Variants in MAPK9 observed in about 807,000 individuals in gnomAD.
MAPK9 encodes mitogen-activated protein kinase 9.
In MAPK9, 30 loss-of-function variants were observed where a neutral mutation model predicts 57.1. That is an observed-to-expected ratio of 0.53 (90% confidence interval 0.39 to 0.71). The LOEUF (loss-of-function observed/expected upper bound fraction) is 0.71. Ranked by LOEUF, MAPK9 falls within the 30% of genes least tolerant of loss-of-function variation. The pLI is 0.00. For synonymous variants in MAPK9, 155 were observed against 177.0 expected, an observed-to-expected ratio of 0.88 and a Z score of 0.99; for missense variants, 362 against 521.0, an observed-to-expected ratio of 0.69 and a Z score of 2.97.
intron 1 of MAPK9, among the ~76,000 whole-genome samples, chr5:180,282,057 T>C (rs1329326583): frequency 1.3e-5 from 2 of 152,228 alleles, no homozygotes; most frequent in Non-Finnish European, 2.9e-5. Context: ...GGCAGGTCAC[T>C]GTGCTCTAAG....
At chr5:180,288,066 G>A (rs1169482472) in intron 1 of MAPK9, among the ~76,000 whole-genome samples, 1 of 152,160 alleles carries the variant, frequency 6.6e-6, no homozygotes, top group African/African-American at 2.4e-5. Flanking sequence ...CAACACGGAC[G>A]AGCAGAGAGC....
At chr5:180,255,434 G>GGGAGAGGTT (rs1759178115) in intron 5 of MAPK9, among the ~76,000 whole-genome samples, 1 of 152,070 alleles carries the variant, frequency 6.6e-6, no homozygotes. Flanking sequence ...GCTGAGGCTT[G>GGGAGAGGTT]GGAGAGGTTC....
intron 8 of MAPK9, among the ~76,000 whole-genome samples, chr5:180,242,319 G>C (rs1033358392): frequency 6.6e-6 from 1 of 152,314 alleles, no homozygotes; most frequent in East Asian, 1.9e-4. Flanking sequence ...TCCAGTTGCT[G>C]TAACTGTAAC....
At chr5:180,278,929 T>C (rs1450862399) in intron 2 of MAPK9, among the ~76,000 whole-genome samples, 1 of 152,092 alleles carries the variant, frequency 6.6e-6, no homozygotes, top group Non-Finnish European at 1.5e-5. Context: ...AGTTTCCTAA[T>C]TTGAACCATC....
chr5:180,279,257 C>T (rs951536656), intron 2 of MAPK9, among the ~76,000 whole-genome samples: 1 of 152,130 alleles, frequency 6.6e-6, no homozygotes, highest in Non-Finnish European at 1.5e-5. Flanking sequence ...TGCCCGGCCA[C>T]CTTTAACACT....
intron 10 of MAPK9, among the ~76,000 whole-genome samples, chr5:180,239,365 G>A (rs915043187): frequency 1.1e-4 from 17 of 152,274 alleles, no homozygotes; most frequent in Admixed American, 5.2e-4. Flanking sequence ...ACAGGTAACC[G>A]GCACTCCCAC....
chr5:180,243,409 T>C (rs750592931), intron 7 of MAPK9, among the ~76,000 whole-genome samples: 11 of 152,202 alleles, frequency 7.2e-5, no homozygotes, highest in Non-Finnish European at 1.5e-4. Context: ...TCAGGCTTCC[T>C]TGGGGTCTGT....
intron 2 of MAPK9, among the ~76,000 whole-genome samples, chr5:180,270,905 C>T (rs1184542492): frequency 7.1e-6 from 1 of 140,898 alleles, no homozygotes; most frequent in Non-Finnish European, 1.6e-5. Context: ...AATTTGAAAA[C>T]AGACACACTT....
chr5:180,263,830 T>C (rs942141119), intron 4 of MAPK9, among the ~76,000 whole-genome samples: 3 of 151,174 alleles, frequency 2.0e-5, no homozygotes, highest in Admixed American at 6.6e-5. Flanking sequence ...CTCAGCCTCC[T>C]GAGTAGCTGG....
At chr5:180,249,284 T>C (rs906987943) in intron 5 of MAPK9, 146 bp from the exon 6 acceptor site, 5 of 795,528 alleles carry the variant, frequency 6.3e-6, no homozygotes, top group East Asian at 5.9e-5. Context: ...AAAATCTTAC[T>C]CTCAAATTGA....
chr5:180,255,492 A>G (rs1759182433), intron 5 of MAPK9, among the ~76,000 whole-genome samples: 1 of 152,180 alleles, frequency 6.6e-6, no homozygotes, highest in South Asian at 2.1e-4. Context: ...ACATGTGCTG[A>G]GAGAAAATTC....
intron 11 of MAPK9, 37 bp downstream of exon 11, chr5:180,238,295 G>T (rs1757349309): frequency 1.3e-6 from 2 of 1,540,138 alleles, no homozygotes; most frequent in Non-Finnish European, 1.8e-6. Context: ...AATAGGGAAA[G>T]AAAAATATCA....
intron 1 of MAPK9, among the ~76,000 whole-genome samples, chr5:180,289,518 A>G (rs115814298): frequency 2.8e-4 from 43 of 152,356 alleles, no homozygotes; most frequent in Non-Finnish European, 4.4e-4. Context: ...GGGACCCAGG[A>G]AAGAATCCTT....
At chr5:180,282,401 G>A (rs1252775078) in intron 1 of MAPK9, among the ~76,000 whole-genome samples, 5 of 152,192 alleles carry the variant, frequency 3.3e-5, no homozygotes, top group East Asian at 1.9e-4. Flanking sequence ...GGAGAAGCGC[G>A]AGCAGTGAGT....
intron 1 of MAPK9, among the ~76,000 whole-genome samples, chr5:180,288,368 G>A (rs1188599709): frequency 2.6e-5 from 4 of 152,170 alleles, no homozygotes; most frequent in Non-Finnish European, 2.9e-5. Flanking sequence ...AATCAACAAC[G>A]TATGGCCTTC....
chr5:180,279,959 T>G (rs1158235847), intron 2 of MAPK9: 8 of 456,542 alleles, frequency 1.8e-5, no homozygotes, highest in Non-Finnish European at 3.5e-5. Context: ...CATCCCTTCC[T>G]GGTTAATCCA....
intron 7 of MAPK9, chr5:180,246,512 A>G (rs34077977): frequency 3.3e-5 from 5 of 152,234 alleles, no homozygotes; most frequent in Admixed American, 3.3e-4. Flanking sequence ...CTGACTATGG[A>G]GCTTGATTTC....
intron 7 of MAPK9, chr5:180,246,128 G>C (rs536569131): frequency 7.9e-5 from 12 of 152,132 alleles, no homozygotes; most frequent in African/African-American, 2.7e-4. Flanking sequence ...ATAAAACAAG[G>C]AATGGCACAA....
At chr5:180,263,181 T>A (rs185646860) in intron 4 of MAPK9, 1 of 152,504 alleles carries the variant, frequency 6.6e-6, no homozygotes, top group African/African-American at 2.4e-5. Flanking sequence ...AGCTCCCTCA[T>A]CCTTCAGGTG....
Sources: gnomAD v4.1 joint callset for allele counts (sites outside exome capture counted in the v4.1 genomes callset) on GRCh38, gnomAD v4.1.1 for gene constraint, MANE v1.5 for transcripts, NCBI Gene and HGNC (gene_info 2026-07-23, HGNC 2026-07-21) for gene names.